The following ENPP2 variants were observed in gnomAD, a reference collection of about 807,000 sequenced individuals.
The protein encoded by ENPP2 is ectonucleotide pyrophosphatase/phosphodiesterase 2.
In ENPP2, 51 loss-of-function variants were observed where a neutral mutation model predicts 120.2. That is an observed-to-expected ratio of 0.42 (90% CI 0.34 to 0.54). The LOEUF (loss-of-function observed/expected upper bound fraction) is 0.54, where lower values mean the gene tolerates loss of function less well. ENPP2 is among the 20% of genes least tolerant of loss of function. ENPP2 has a pLI of 0.04. For missense variants in ENPP2, 920 were observed against 1,066.5 expected (o/e 0.86, Z 1.91); for synonymous variants, 365 against 366.4 (o/e 1.00, Z 0.04).
intron 11 of ENPP2, among the ~76,000 whole-genome samples, chr8:119,598,648 A>C (rs1442001721): frequency 6.6e-6 from 1 of 152,222 alleles, no homozygotes; most frequent in Non-Finnish European, 1.5e-5. Context: ...ATTTATCATT[A>C]AGCCATATAA....
chr8:119,635,250 A>G (rs1816929173), intron 2 of ENPP2, among the ~76,000 whole-genome samples: 1 of 152,216 alleles, frequency 6.6e-6, no homozygotes, highest in South Asian at 2.1e-4. Context: ...ATTTCATATG[A>G]ACCTATGAAT....
At chr8:119,575,923 A>G (rs1362650200) in intron 19 of ENPP2, among the ~76,000 whole-genome samples, 1 of 152,218 alleles carries the variant, frequency 6.6e-6, no homozygotes, top group Non-Finnish European at 1.5e-5. Context: ...TCTTCCAAGT[A>G]TTCCCAAAAA....
chr8:119,607,785 G>A, intron 9 of ENPP2, 137 bp downstream of exon 9: 1 of 609,472 alleles, frequency 1.6e-6, no homozygotes, highest in South Asian at 2.4e-5. Flanking sequence ...CACCTGGAAG[G>A]TTATTTTGAT....
At chr8:119,628,671 T>C (rs1292592839) in intron 2 of ENPP2, among the ~76,000 whole-genome samples, 1 of 152,094 alleles carries the variant, frequency 6.6e-6, no homozygotes, top group Non-Finnish European at 1.5e-5. Context: ...AAATACAGGA[T>C]AGAGTGTTAT....
intron 11 of ENPP2, 102 bp downstream of exon 11, chr8:119,600,576 T>C (rs1373995727): frequency 1.2e-5 from 9 of 769,850 alleles, no homozygotes; most frequent in Non-Finnish European, 1.7e-5. Context: ...ACCTTGTAGA[T>C]ACAAACATCC....
chr8:119,586,099 G>C, intron 15 of ENPP2, 87 bp downstream of exon 15: 1 of 1,404,728 alleles, frequency 7.1e-7, no homozygotes, highest in South Asian at 1.3e-5. Context: ...ATTTCTTTCA[G>C]TGATGACTAA....
At chr8:119,569,156 G>A in intron 21 of ENPP2, 79 bp downstream of exon 21, 1 of 1,387,798 alleles carries the variant, frequency 7.2e-7, no homozygotes. Context: ...GAAAACCCAA[G>A]CCACTGAAAT....
intron 11 of ENPP2, among the ~76,000 whole-genome samples, chr8:119,599,652 T>G (rs1814146004): frequency 1.3e-5 from 2 of 152,194 alleles, no homozygotes; most frequent in Non-Finnish European, 2.9e-5. Context: ...AATTTGAAAT[T>G]ATACTGGATA....
chr8:119,613,083 A>C (rs1194648426), intron 8 of ENPP2, among the ~76,000 whole-genome samples: 3 of 152,088 alleles, frequency 2.0e-5, no homozygotes, highest in East Asian at 3.9e-4. Flanking sequence ...TTTAAACAGA[A>C]CAGGGAACAA....
At chr8:119,644,320 TG>T (rs1013984996) in intron 1 of ENPP2, among the ~76,000 whole-genome samples, 154 of 151,294 alleles carry the variant, frequency 1.0e-3, no homozygotes, top group African/African-American at 3.6e-3. Context: ...GGAAGACAAG[TG>T]GGGGAGTTAG....
intron 1 of ENPP2, among the ~76,000 whole-genome samples, chr8:119,646,998 C>CTTTTTT (rs528326819): frequency 7.1e-6 from 1 of 140,124 alleles, no homozygotes; most frequent in African/African-American, 2.6e-5. Context: ...TAATCTCTCT[C>CTTTTTT]TTTTTTTTTT....
intron 23 of ENPP2, among the ~76,000 whole-genome samples, chr8:119,563,413 T>C (rs1429314880): frequency 6.6e-6 from 1 of 152,168 alleles, no homozygotes; most frequent in Admixed American, 6.5e-5. Context: ...TTAAAGGTTT[T>C]TGTGCTAGGG....
intron 1 of ENPP2, among the ~76,000 whole-genome samples, chr8:119,657,229 A>G (rs1308622648): frequency 1.3e-5 from 2 of 152,134 alleles, no homozygotes; most frequent in Non-Finnish European, 1.5e-5. Flanking sequence ...CTAGACTATA[A>G]TCTCGTTTTA....
chr8:119,608,619 T>A (rs1246274287), intron 8 of ENPP2, among the ~76,000 whole-genome samples: 1 of 152,230 alleles, frequency 6.6e-6, no homozygotes, highest in Non-Finnish European at 1.5e-5. Context: ...TGGGGAGGCA[T>A]AAGATATAGG....
At chr8:119,582,728 C>T in intron 17 of ENPP2, 126 bp from the exon 18 acceptor site, 1 of 707,520 alleles carries the variant, frequency 1.4e-6, no homozygotes, top group Non-Finnish European at 2.4e-6. Context: ...CTGGACAAAA[C>T]CAAATGTAGA....
At chr8:119,605,361 C>T (rs927061970) in intron 9 of ENPP2, among the ~76,000 whole-genome samples, 23 of 151,808 alleles carry the variant, frequency 1.5e-4, no homozygotes, top group African/African-American at 5.1e-4. Context: ...CCCCCAGGCC[C>T]GGCCATAAGC....
At chr8:119,666,942 C>G (rs1363918932) in intron 1 of ENPP2, among the ~76,000 whole-genome samples, 2 of 152,242 alleles carry the variant, frequency 1.3e-5, no homozygotes, top group East Asian at 3.9e-4. Flanking sequence ...CTGGTCTACT[C>G]TGAGAGCAAC....
chr8:119,588,346 G>A (rs566454009), intron 13 of ENPP2, among the ~76,000 whole-genome samples: 1 of 151,940 alleles, frequency 6.6e-6, no homozygotes, highest in African/African-American at 2.4e-5. Context: ...TGGCTAACAT[G>A]GTGAAATCCC....
At chr8:119,651,966 A>G (rs577706454) in intron 1 of ENPP2, among the ~76,000 whole-genome samples, 1 of 152,378 alleles carries the variant, frequency 6.6e-6, no homozygotes, top group African/African-American at 2.4e-5. Flanking sequence ...TATCAAGGAT[A>G]GTGAGATGAA....
Sources: allele counts gnomAD v4.1 joint callset (sites outside exome capture counted in the v4.1 genomes callset), GRCh38; gene constraint gnomAD v4.1.1; transcripts MANE v1.5; gene names NCBI Gene and HGNC (gene_info 2026-07-23, HGNC 2026-07-21).